The following PLAAT1 variants were observed in gnomAD, a reference collection of about 807,000 sequenced individuals.
The protein encoded by PLAAT1 is H-REV107 protein-related protein.
In PLAAT1, 13 loss-of-function variants were observed where a neutral mutation model predicts 16.4. That is an observed-to-expected ratio of 0.79 (90% confidence interval 0.52 to 1.26). The LOEUF is 1.26. Ranked by LOEUF, PLAAT1 falls within the 50% of genes most tolerant of loss-of-function variation. PLAAT1 has a pLI of 0.00. For missense variants in PLAAT1, 218 were observed against 207.8 expected (o/e 1.05, Z -0.30); for synonymous variants, 73 against 78.4 (o/e 0.93, Z 0.36).
At chr3:193,246,892 A>T (rs894865986) in intron 1 of PLAAT1, among the ~76,000 whole-genome samples, 1 of 152,152 alleles carries the variant, frequency 6.6e-6, no homozygotes, top group Non-Finnish European at 1.5e-5. Flanking sequence ...GCTCTGAGGT[A>T]GTCCCTGTTT....
intron 1 of PLAAT1, among the ~76,000 whole-genome samples, chr3:193,253,144 C>T (rs998406938): frequency 6.6e-6 from 1 of 152,148 alleles, no homozygotes; most frequent in Non-Finnish European, 1.5e-5. Flanking sequence ...TCTGTAGTCC[C>T]TTGCTATGAT....
At chr3:193,243,903 T>C (rs1715874256) in intron 1 of PLAAT1, among the ~76,000 whole-genome samples, 1 of 152,230 alleles carries the variant, frequency 6.6e-6, no homozygotes, top group Non-Finnish European at 1.5e-5. Context: ...AACCACTGTG[T>C]GTTCACTATC....
intron 3 of PLAAT1, among the ~76,000 whole-genome samples, chr3:193,264,935 G>A (rs1157676860): frequency 2.0e-5 from 3 of 152,122 alleles, no homozygotes; most frequent in Non-Finnish European, 4.4e-5. Flanking sequence ...TTTCATCAGG[G>A]AAATGCAAAT....
chr3:193,257,725 G>A (rs1716431461), intron 2 of PLAAT1, among the ~76,000 whole-genome samples: 1 of 152,082 alleles, frequency 6.6e-6, no homozygotes, highest in South Asian at 2.1e-4. Flanking sequence ...TTGAGTCAGT[G>A]GGCTAGGAGA....
chr3:193,274,888 G>C, downstream of PLAAT1: 1 of 1,057,030 alleles, frequency 9.5e-7, no homozygotes, highest in Non-Finnish European at 1.4e-6. Context: ...GCCTATCTAA[G>C]GTCCCTTGCT....
intron 2 of PLAAT1, among the ~76,000 whole-genome samples, chr3:193,277,310 G>C (rs1560109391): frequency 6.6e-6 from 1 of 152,166 alleles, no homozygotes; most frequent in Admixed American, 6.5e-5. Context: ...CCCTATGTCT[G>C]ATGGGTTAAT....
At chr3:193,278,892 T>C (rs1196708613), downstream of PLAAT1, among the ~76,000 whole-genome samples, 1 of 152,220 alleles carries the variant, frequency 6.6e-6, no homozygotes, top group Non-Finnish European at 1.5e-5. Context: ...CCTTGATGAA[T>C]TAGATTTTAA....
intron 1 of PLAAT1, among the ~76,000 whole-genome samples, chr3:193,245,682 C>T (rs1715955878): frequency 2.0e-5 from 3 of 152,112 alleles, no homozygotes; most frequent in African/African-American, 7.2e-5. Flanking sequence ...TCCTTTTCTC[C>T]ACATCCTCAC....
chr3:193,256,036 C>A (rs1408338542), intron 2 of PLAAT1, among the ~76,000 whole-genome samples: 3 of 152,088 alleles, frequency 2.0e-5, no homozygotes, highest in Non-Finnish European at 4.4e-5. Context: ...AAGTAAATAA[C>A]CAGCTGGGGA....
Position 193,242,809 on chromosome 3 carries a change from A to G in PLAAT1, c.-1+1276A>G, listed in dbSNP as rs182444564. On this transcript the variant is annotated intron_variant, in intron 1 of 3. Transcript: ENST00000264735. ...GGAAACATCACAGTGTAGGAGGATT[A>G]TGGATGGAAAGTGCAGCTGGAATGG... 7.9e-5 allele frequency among the ~76,000 whole-genome samples: 12 copies of G among 152,322 alleles called. No homozygotes were observed. In the East Asian group the frequency reaches 2.3e-3, roughly 29 times the overall value.
chr3:193,255,451 A>G (rs1716340284), intron 1 of PLAAT1, among the ~76,000 whole-genome samples, 200 bp from the exon 2 acceptor site: 1 of 152,152 alleles, frequency 6.6e-6, no homozygotes. Context: ...ATACAAGACA[A>G]ATTATTTCTC....
intron 1 of PLAAT1, among the ~76,000 whole-genome samples, chr3:193,255,012 G>A (rs754029715): frequency 3.9e-5 from 6 of 152,034 alleles, no homozygotes; most frequent in Non-Finnish European, 7.4e-5. Flanking sequence ...GTAATATATG[G>A]CATTTTTGCA....
chr3:193,266,117 T>G (rs1384766794), intron 3 of PLAAT1, among the ~76,000 whole-genome samples: 1 of 152,176 alleles, frequency 6.6e-6, no homozygotes, highest in East Asian at 1.9e-4. Flanking sequence ...TTAAGTATTC[T>G]TAGCACAAAC....
At chr3:193,272,329 G>A (rs1216700017), downstream of PLAAT1, among the ~76,000 whole-genome samples, 1 of 152,078 alleles carries the variant, frequency 6.6e-6, no homozygotes, top group Non-Finnish European at 1.5e-5. Flanking sequence ...TACAGTCCCA[G>A]CTACTCAGGA....
Position 193,276,868 on chromosome 3 carries a change from CTT to C in PLAAT1, c.*60-767_*60-766del, listed in dbSNP as rs1030602153. The stretch of plus-strand genomic sequence containing the variant: ...AAATACCATTATTATATTTTGCACA[CTT>C]CACACTTTGAAAAAAGACCATATTA... On this transcript the variant is annotated intron_variant and NMD_transcript_variant, in intron 2 of 2. Transcript: ENST00000416012. 11 of 1,430,908 alleles carry C rather than the reference CTT, an allele frequency of 7.7e-6. No individual in the cohort carries two copies. In the African/African-American group the frequency reaches 1.6e-4, roughly 20 times the overall value. The allele number at this position is 1,430,908 out of a possible 1,614,324, so 88.6% of individuals were successfully genotyped here.
At chr3:193,241,054 G>A (rs1247297351), upstream of PLAAT1, 8 of 473,330 alleles carry the variant, frequency 1.7e-5, no homozygotes, top group Non-Finnish European at 2.6e-5. Context: ...GTAGGCGCTG[G>A]AGCGCGTGCG....
intron 3 of PLAAT1, among the ~76,000 whole-genome samples, chr3:193,264,148 T>C (rs9820203): frequency 0.02 from 3,010 of 152,296 alleles, 87 homozygotes; most frequent in African/African-American, 0.069. Flanking sequence ...TAATTCACAT[T>C]TATTGAAGAC....
At chr3:193,254,798 G>A (rs1716315461) in intron 1 of PLAAT1, among the ~76,000 whole-genome samples, 2 of 152,118 alleles carry the variant, frequency 1.3e-5, no homozygotes, top group Admixed American at 6.6e-5. Context: ...ATCTGTGATG[G>A]CATTTATGAT....
rs1156668952 is a variant in PLAAT1 at position 193,252,211 on chromosome 3, CTTTTA to C, written c.1-3439_1-3435del. Among the ~76,000 whole-genome samples the C allele has an allele frequency of 3.3e-5, 5 of 151,978 alleles. No homozygotes were observed. The East Asian group carries it at 9.7e-4, about 29-fold the overall frequency. On this transcript the variant is annotated intron_variant, in intron 1 of 3. Coordinates refer to ENST00000264735, the MANE Select transcript of PLAAT1 (RefSeq NM_020386.5). ...AAGGGGCGGTGGGAGGCACCACACT[CTTTTA>C]AACAACCAGATCTCTTGTGAACTCA... is the stretch of plus-strand genomic sequence containing the variant.
Sources: allele counts gnomAD v4.1 joint callset (sites outside exome capture counted in the v4.1 genomes callset), GRCh38; gene constraint gnomAD v4.1.1; transcripts MANE v1.5; gene names NCBI Gene and HGNC (gene_info 2026-07-23, HGNC 2026-07-21).